ELMO1: variants seen among roughly 807,000 people sequenced by gnomAD.
ELMO1 encodes engulfment and cell motility protein 1.
A neutral mutation model predicts 98.9 loss-of-function variants in ELMO1; 26 were observed. The ratio of observed to expected loss-of-function variants is 0.26; its 90% confidence interval spans 0.19 to 0.36. The LOEUF is 0.36. ELMO1 is among the 10% of genes least tolerant of loss of function. The pLI is 1.00. For missense variants in ELMO1, 627 were observed against 935.2 expected (o/e 0.67, Z 4.30); for synonymous variants, 346 against 346.0 (o/e 1.00, Z 0.00).
chr7:37,093,944 C>T (rs186790870), intron 15 of ELMO1, among the ~76,000 whole-genome samples: 234 of 152,222 alleles, frequency 1.5e-3, no homozygotes, highest in Non-Finnish European at 2.7e-3. Flanking sequence ...GATGGGCATG[C>T]GTTAAAAAAC....
intron 16 of ELMO1, among the ~76,000 whole-genome samples, chr7:36,920,626 G>A (rs1402673108): frequency 2.0e-5 from 3 of 152,092 alleles, no homozygotes; most frequent in Non-Finnish European, 2.9e-5. Flanking sequence ...ATGCATGAAA[G>A]GCTTTTAAAA....
chr7:37,071,813 A>G (rs930378125), intron 15 of ELMO1, among the ~76,000 whole-genome samples: 2 of 152,162 alleles, frequency 1.3e-5, no homozygotes, highest in African/African-American at 4.8e-5. Flanking sequence ...AGGCAAAACT[A>G]ACTTTGTTAA....
intron 13 of ELMO1, among the ~76,000 whole-genome samples, chr7:37,172,784 T>A (rs939932326): frequency 6.6e-6 from 1 of 152,172 alleles, no homozygotes; most frequent in African/African-American, 2.4e-5. Flanking sequence ...CCTTACAACA[T>A]TGAAGCTAAA....
At chr7:37,245,583 C>G (rs1210406807) in intron 6 of ELMO1, among the ~76,000 whole-genome samples, 1 of 152,054 alleles carries the variant, frequency 6.6e-6, no homozygotes, top group African/African-American at 2.4e-5. Context: ...AAAATATTTA[C>G]TATTTCCCAT....
intron 4 of ELMO1, among the ~76,000 whole-genome samples, chr7:37,305,920 A>G (rs11973548): frequency 0.035 from 5,320 of 152,290 alleles, 304 homozygotes; most frequent in African/African-American, 0.12. Context: ...CCTGAGAGAA[A>G]AAGAACTAGT....
At chr7:37,296,305 C>G (rs1485694002) in intron 4 of ELMO1, among the ~76,000 whole-genome samples, 1 of 152,150 alleles carries the variant, frequency 6.6e-6, no homozygotes, top group South Asian at 2.1e-4. Flanking sequence ...AGGGACCCCT[C>G]TCAGCTCTGA....
At chr7:37,107,829 TA>T (rs979513820) in intron 14 of ELMO1, among the ~76,000 whole-genome samples, 1 of 152,244 alleles carries the variant, frequency 6.6e-6, no homozygotes, top group African/African-American at 2.4e-5. Context: ...AAGCTAGTGA[TA>T]AAATGAATCT....
At chr7:36,885,019 T>C (rs1259821395) in intron 18 of ELMO1, among the ~76,000 whole-genome samples, 3 of 152,216 alleles carry the variant, frequency 2.0e-5, no homozygotes, top group Non-Finnish European at 2.9e-5. Context: ...CTTATTAATC[T>C]GTGTAAATCT....
At chr7:37,392,702 G>T (rs1803132821) in intron 1 of ELMO1, among the ~76,000 whole-genome samples, 1 of 152,196 alleles carries the variant, frequency 6.6e-6, no homozygotes, top group Admixed American at 6.5e-5. Flanking sequence ...TTCTCACTGT[G>T]ATTCTATGTT....
chr7:37,068,289 G>T (rs1797088167), intron 15 of ELMO1, among the ~76,000 whole-genome samples: 1 of 152,190 alleles, frequency 6.6e-6, no homozygotes, highest in Non-Finnish European at 1.5e-5. Flanking sequence ...AAGTTAGCAA[G>T]TGAGAGTGAC....
intron 1 of ELMO1, among the ~76,000 whole-genome samples, chr7:37,411,496 C>T (rs1269296766): frequency 6.6e-6 from 1 of 151,988 alleles, no homozygotes; most frequent in African/African-American, 2.4e-5. Context: ...TGGCTATTGC[C>T]CTTTAAGTGT....
At chr7:37,356,456 T>C (rs1801500156) in intron 1 of ELMO1, among the ~76,000 whole-genome samples, 1 of 152,084 alleles carries the variant, frequency 6.6e-6, no homozygotes, top group Non-Finnish European at 1.5e-5. Context: ...AAAGAATGAG[T>C]TCATGTCCTT....
At position 37,259,285 on chromosome 7, in the gene ELMO1, G is replaced by C. The variant is rs754294630; in HGVS notation, c.309C>G (p.Ala103=). Residue 103 remains alanine, a synonymous_variant, in exon 6 of 22, where the codon GCC becomes GCG. Coordinates refer to ENST00000310758, the MANE Select transcript of ELMO1 (RefSeq NM_014800.11). ...GGGAGAGGCTGGCCAAGTCCTTCAG[G>C]GCTTCCAGCTTGGCATCCATACTCG... ...QSSSMDAKLE[A]LKDLASLSRD... is the part of the protein sequence containing the mutation. 1 of 1,614,098 alleles carries C rather than the reference G, an allele frequency of 6.2e-7. No individual in the cohort carries two copies. The highest frequency in any genetic ancestry group is 8.5e-7 in the Non-Finnish European group (1 of 1,180,004).
At chr7:37,145,912 AG>A (rs1787953340) in intron 13 of ELMO1, among the ~76,000 whole-genome samples, 1 of 152,202 alleles carries the variant, frequency 6.6e-6, no homozygotes, top group Non-Finnish European at 1.5e-5. Flanking sequence ...GAGGTCATCT[AG>A]GAACTCTGTC....
chr7:37,167,208 C>A (rs1412406525), intron 13 of ELMO1, among the ~76,000 whole-genome samples: 1 of 151,748 alleles, frequency 6.6e-6, no homozygotes, highest in African/African-American at 2.4e-5. Flanking sequence ...TTCCTCCATC[C>A]CTTTATTTTG....
At chr7:37,159,271 T>G (rs1350171405) in intron 13 of ELMO1, among the ~76,000 whole-genome samples, 1 of 152,202 alleles carries the variant, frequency 6.6e-6, no homozygotes, top group Non-Finnish European at 1.5e-5. Context: ...CTGCACATTG[T>G]GCACATGTAC....
At chr7:37,036,712 G>T (rs1443804643) in intron 15 of ELMO1, among the ~76,000 whole-genome samples, 1 of 152,118 alleles carries the variant, frequency 6.6e-6, no homozygotes, top group Non-Finnish European at 1.5e-5. Flanking sequence ...TCCAGGAAAT[G>T]ATGGGAAATC....
At chr7:37,051,333 A>G (rs1796100364) in intron 15 of ELMO1, among the ~76,000 whole-genome samples, 1 of 152,224 alleles carries the variant, frequency 6.6e-6, no homozygotes, top group Non-Finnish European at 1.5e-5. Context: ...TATTCAATAA[A>G]TGGGCTGCTT....
At chr7:37,312,013 C>T (rs548421661) in intron 4 of ELMO1, among the ~76,000 whole-genome samples, 7 of 152,352 alleles carry the variant, frequency 4.6e-5, no homozygotes, top group Non-Finnish European at 1.0e-4. Flanking sequence ...AAAAGCATAA[C>T]CATTATATGA....
Sources: gnomAD v4.1 joint callset for allele counts (sites outside exome capture counted in the v4.1 genomes callset) on GRCh38, gnomAD v4.1.1 for gene constraint, MANE v1.5 for transcripts, NCBI Gene and HGNC (gene_info 2026-07-23, HGNC 2026-07-21) for gene names.